Variants in ANKLE2 observed in about 807,000 individuals in gnomAD.
ANKLE2 encodes the protein ankyrin repeat and LEM domain containing 2.
Under a neutral mutation model 84.2 loss-of-function variants are expected in ANKLE2, and 55 were observed. The ratio of observed to expected loss-of-function variants is 0.65; its 90% CI spans 0.53 to 0.82. ANKLE2 has a LOEUF of 0.82. Among genes scored for constraint, ANKLE2 ranks in the 40% least tolerant of loss-of-function variants. The pLI is 0.00. For synonymous variants in ANKLE2, 551 were observed against 486.1 expected, an observed-to-expected ratio of 1.13 and a Z score of -1.76; for missense variants, 1,238 against 1,201.9, an observed-to-expected ratio of 1.03 and a Z score of -0.44.
chr12:132,745,740 C>A, intron 5 of ANKLE2: 1 of 186,608 alleles, frequency 5.4e-6, no homozygotes, highest in East Asian at 1.3e-4. Flanking sequence ...CCGTCGGATC[C>A]CGCACCTCTC....
At chr12:132,746,100 G>A (rs920381757) in intron 5 of ANKLE2, among the ~76,000 whole-genome samples, 1 of 152,200 alleles carries the variant, frequency 6.6e-6, no homozygotes, top group African/African-American at 2.4e-5. Flanking sequence ...CGTAATCCCA[G>A]CACTCTGGGA....
Position 132,750,554 on chromosome 12 carries a change from C to T in ANKLE2, c.847+89G>A, listed in dbSNP as rs2044332582. On this transcript the variant is annotated intron_variant, in intron 3 of 12. Transcript: ENST00000357997. ...ATCGACTCTACCCTCATGGAGAAAA[C>T]AAGTTACCACATCAGAGGAAAGAAG... 2.8e-6 allele frequency: 4 copies of T among 1,435,620 alleles called. No individual in the cohort carries two copies. The South Asian group carries it at 3.7e-5, about 13-fold the overall frequency. The allele number at this position is 1,435,620 out of a possible 1,614,324, so 88.9% of individuals were successfully genotyped here.
In ANKLE2 at chr12:132,748,147, A is replaced by C. The variant is rs1338981741; in HGVS notation, c.1032T>G (p.Thr344=). The change falls in exon 4 of 13, where the codon ACT becomes ACG. Residue 344 remains threonine, a synonymous_variant. Transcript: ENST00000357997. The part of the protein sequence containing the change: ...RYLIGSGDNP[T]IVQEGCRYNV... ...AACCGCCGAGACCTACCTGCACGAT[A>C]GTGGGGTTGTCTCCTGAGCCTATCA... 1 of 1,613,412 alleles carries C rather than the reference A, an allele frequency of 6.2e-7. No homozygotes were observed. Among genetic ancestry groups the C allele is most frequent in the Non-Finnish European group, 8.5e-7 (1 of 1,179,724 alleles).
chr12:132,729,818 G>A lies in ANKLE2; in HGVS notation c.2344C>T (p.Gln782Ter), dbSNP rs201785518. 1.2e-5 allele frequency: 20 copies of A among 1,613,244 alleles called. No individual in the cohort carries two copies. In the Admixed American group the frequency reaches 2.7e-4, roughly 22 times the overall value. ...GTCCTCCTGTGGCCATTCCCGAGTT[G>A]GTCTGCGGGAGAAGGCTCTAACAAG... is the stretch of plus-strand genomic sequence containing the variant. ...RDLLEPSPAD[Q>*]LGNGHRRTES... is the part of the protein sequence containing the mutation. The change falls in exon 11 of 13, where the codon CAA (glutamine) becomes TAA (stop). Residue 782 changes from glutamine (Q) to a stop codon, truncating the protein, a stop_gained. Transcript: ENST00000357997. LOFTEE classifies it high-confidence loss of function.
chr12:132,746,843 G>T (rs1304704033), intron 5 of ANKLE2, among the ~76,000 whole-genome samples: 1 of 152,082 alleles, frequency 6.6e-6, no homozygotes, highest in South Asian at 2.1e-4. Flanking sequence ...TGGGGTGTTG[G>T]TTTCACTAAC....
chr12:132,741,015 AC>A (rs1051608665), intron 7 of ANKLE2, among the ~76,000 whole-genome samples: 3 of 152,094 alleles, frequency 2.0e-5, no homozygotes, highest in African/African-American at 7.2e-5. Flanking sequence ...CAGGCCAGCC[AC>A]CCAGCCAAGG....
At chr12:132,740,674 A>G (rs2044101521) in intron 7 of ANKLE2, among the ~76,000 whole-genome samples, 1 of 152,126 alleles carries the variant, frequency 6.6e-6, no homozygotes, top group African/African-American at 2.4e-5. Context: ...ATCTTCCAAA[A>G]TTCACTGAAA....
chr12:132,741,151 C>A (rs1466659671), intron 7 of ANKLE2, among the ~76,000 whole-genome samples: 2 of 152,208 alleles, frequency 1.3e-5, no homozygotes, highest in Non-Finnish European at 2.9e-5. Flanking sequence ...CCACCAGCAA[C>A]AGGCAGCGAC....
intron 5 of ANKLE2, among the ~76,000 whole-genome samples, chr12:132,746,099 A>T (rs2044231934): frequency 6.6e-6 from 1 of 152,232 alleles, no homozygotes; most frequent in African/African-American, 2.4e-5. Flanking sequence ...CCGTAATCCC[A>T]GCACTCTGGG....
intron 11 of ANKLE2, among the ~76,000 whole-genome samples, chr12:132,728,418 T>C (rs549551889): frequency 6.6e-6 from 1 of 152,136 alleles, no homozygotes; most frequent in Non-Finnish European, 1.5e-5. Context: ...TTATTAGAGA[T>C]AGGATTTCAC....
rs1362354460 is a variant in ANKLE2, at chr12:132,725,942, CTT to C, written c.*1298_*1299del. ...TGATTCCAATATTCCTGACCTATCTCTTGTCATATGAAAGAAAGAAGCCTTTT... is the reference window on the plus strand; with the variant it reads ...TGATTCCAATATTCCTGACCTATCTCGTCATATGAAAGAAAGAAGCCTTTT... On this transcript the variant is annotated 3_prime_UTR_variant, in exon 13 of 13. Coordinates refer to ENST00000357997, the MANE Select transcript of ANKLE2 (RefSeq NM_015114.3). 2.6e-5 allele frequency: 4 copies of C among 152,194 alleles called. No individual in the cohort carries two copies. The highest frequency in any genetic ancestry group is 5.9e-5 in the Non-Finnish European group (4 of 68,034). The allele number at this position is 152,194 out of a possible 1,614,324, so 9.4% of individuals were successfully genotyped here. A position where few individuals can be genotyped will look rare whatever the true frequency, so the allele number is the denominator to read the frequency against.
In ANKLE2 at chr12:132,754,663, C is replaced by A. The variant is rs539094769; in HGVS notation, c.640+12G>T. 35 of 1,585,620 alleles carry A rather than the reference C, an allele frequency of 2.2e-5. No homozygotes were observed. In the African/African-American group the frequency reaches 4.5e-4, roughly 20 times the overall value. ...TATCTGTGTGAGGAAATCCTACACA[C>A]GGTCCCATTACCATTTCTCGCTGGG... is the stretch of plus-strand genomic sequence containing the variant. On this transcript the variant is annotated intron_variant, in intron 2 of 12. Coordinates refer to ENST00000357997, the MANE Select transcript of ANKLE2 (RefSeq NM_015114.3).
chr12:132,756,983 CA>C (rs1362617676), intron 1 of ANKLE2: 1 of 151,494 alleles, frequency 6.6e-6, no homozygotes, highest in Non-Finnish European at 1.5e-5. Context: ...AGTAAATAAA[CA>C]AAAAGATGGG....
rs183102646 is a variant in ANKLE2, at chr12:132,752,232, C to T, written c.641-1383G>A. 2.4e-3 allele frequency among the ~76,000 whole-genome samples: 358 copies of T among 152,082 alleles called. 2 individuals carry two copies. The highest frequency in any genetic ancestry group is 8.3e-3 in the African/African-American group (344 of 41,478). ...GCACACCCCTGTAGTACTAGCTACT[C>T]GGGAGGCTGCAGCAGGAAAATCACT... On this transcript the variant is annotated intron_variant, in intron 2 of 12. Transcript: ENST00000357997.
rs1469698224 is a variant in ANKLE2, at chr12:132,743,298, G to C, written c.1231-22C>G. On this transcript the variant is annotated intron_variant, in intron 5 of 12. Transcript: ENST00000357997. The surrounding 1 kb of genome is among the most constrained non-coding windows in gnomAD (Gnocchi z 4.1). ...AGCCCTGAAAAAAGGTGCAGAGGAA[G>C]TACAATTATTCACACTTGTCTCATG... 1.3e-6 allele frequency: 2 copies of C among 1,577,250 alleles called. No homozygotes were observed. Among genetic ancestry groups the C allele is most frequent in the South Asian group, 2.4e-5 (2 of 84,596 alleles).
intron 10 of ANKLE2, 184 bp downstream of exon 10, chr12:132,734,201 C>T (rs1334536122): frequency 1.7e-5 from 11 of 660,812 alleles, no homozygotes; most frequent in East Asian, 1.4e-4. Flanking sequence ...GCCAAGATTG[C>T]GCCACTGCAC....
intron 8 of ANKLE2, among the ~76,000 whole-genome samples, chr12:132,736,373 C>G (rs935918403): frequency 6.6e-6 from 1 of 152,228 alleles, no homozygotes; most frequent in Non-Finnish European, 1.5e-5. Flanking sequence ...AGTGTACAAC[C>G]TTTGACCCAG....
chr12:132,760,761 T>C (rs1209075633), intron 1 of ANKLE2: 2 of 152,224 alleles, frequency 1.3e-5, no homozygotes, highest in Admixed American at 6.5e-5. Context: ...TTTGGGTTTT[T>C]ACAGGAACTT....
In ANKLE2 at chr12:132,727,013, T is replaced by C; in HGVS notation, c.*229A>G. On this transcript the variant is annotated 3_prime_UTR_variant, in exon 13 of 13. Transcript: ENST00000357997. ...AAAGTCTACCATTACCACATGGATA[T>C]TTTCCAGAAAATTGGTAACTGAGTT... is the stretch of plus-strand genomic sequence containing the variant. The C allele has an allele frequency of 1.8e-6, 1 of 561,398 alleles. No individual in the cohort carries two copies. Among genetic ancestry groups the C allele is most frequent in the Non-Finnish European group, 3.0e-6 (1 of 333,138 alleles). The allele number at this position is 561,398 out of a possible 1,614,324, so 34.8% of individuals were successfully genotyped here. A position where few individuals can be genotyped will look rare whatever the true frequency, so the allele number is the denominator to read the frequency against.
Sources: allele counts gnomAD v4.1 joint callset (sites outside exome capture counted in the v4.1 genomes callset), GRCh38; gene constraint gnomAD v4.1.1; non-coding constraint Gnocchi (gnomAD v3.1); transcripts MANE v1.5; gene names NCBI Gene and HGNC (gene_info 2026-07-23, HGNC 2026-07-21).